Variants in ZNF507 observed in about 807,000 individuals in gnomAD.
The protein encoded by ZNF507 is zinc finger protein 507.
ZNF507 carries 29 observed loss-of-function variants against 80.0 expected under a neutral mutation model. That is an observed-to-expected ratio of 0.36 (90% CI 0.27 to 0.49). The LOEUF is 0.49. Among genes scored for constraint, ZNF507 ranks in the 20% least tolerant of loss-of-function variants. ZNF507 has a pLI of 0.98. For synonymous variants in ZNF507, 462 were observed against 422.5 expected (o/e 1.09, Z -1.15); for missense variants, 1,081 against 1,152.2 (o/e 0.94, Z 0.90).
intron 2 of ZNF507, among the ~76,000 whole-genome samples, chr19:32,348,517 T>C (rs910532208): frequency 2.0e-5 from 3 of 152,184 alleles, no homozygotes; most frequent in African/African-American, 7.2e-5. Context: ...AATAGCAAAT[T>C]ATAAGGAAAT....
intron 5 of ZNF507, among the ~76,000 whole-genome samples, chr19:32,364,229 A>T (rs1405129363): frequency 6.6e-6 from 1 of 152,222 alleles, no homozygotes; most frequent in African/African-American, 2.4e-5. Context: ...AAATGACATC[A>T]TTCTATCCCA....
In ZNF507 at chr19:32,356,727, C is replaced by G. The variant is rs1397604127; in HGVS notation, c.2239C>G (p.Gln747Glu). ...TGATACAGCTGATGGAAAATGTGTC[C>G]AGGAAGGTATCTATGTATTTTGTTA... is the stretch of plus-strand genomic sequence containing the variant. The part of the protein sequence containing the change: ...SSDTADGKCV[Q>E]EGNKSSVQKQ... The change falls in exon 4 of 7, where the codon CAG (glutamine) becomes GAG (glutamate). Residue 747 changes from glutamine (Q) to glutamate (E), a missense_variant. Gln to Glu is a conservative substitution (Grantham distance 29). Around this residue, in one of 6 missense-constraint regions of ZNF507, gnomAD observed 614 missense variants for 583.9 expected, o/e 1.05. Coordinates refer to ENST00000355898, the MANE Select transcript of ZNF507 (RefSeq NM_001136156.2). 6.2e-7 allele frequency: 1 copy of G among 1,612,550 alleles called. No homozygotes were observed. Among genetic ancestry groups the G allele is most frequent in the Admixed American group, 1.7e-5 (1 of 60,018 alleles).
intron 5 of ZNF507, among the ~76,000 whole-genome samples, chr19:32,381,310 G>A (rs1306955161): frequency 2.6e-5 from 4 of 152,022 alleles, no homozygotes; most frequent in Non-Finnish European, 5.9e-5. Flanking sequence ...TTATACCTTT[G>A]TCAAAACAGA....
At chr19:32,352,797 G>A in intron 2 of ZNF507, 32 bp from the exon 3 acceptor site, 2 of 1,515,614 alleles carry the variant, frequency 1.3e-6, no homozygotes, top group Admixed American at 2.2e-5. Context: ...CCTGTAACCT[G>A]GTATTTTTCT....
intron 5 of ZNF507, among the ~76,000 whole-genome samples, chr19:32,374,320 A>C (rs949694250): frequency 3.3e-5 from 5 of 152,066 alleles, no homozygotes; most frequent in Non-Finnish European, 7.4e-5. Context: ...TCCATATAAG[A>C]AAGTTGTTGA....
chr19:32,373,635 C>T (rs554299897), intron 5 of ZNF507, among the ~76,000 whole-genome samples: 1 of 152,278 alleles, frequency 6.6e-6, no homozygotes, highest in African/African-American at 2.4e-5. Context: ...AACTACATAC[C>T]TCGTCATTAA....
chr19:32,371,636 TATTA>T (rs1382406316), intron 5 of ZNF507, among the ~76,000 whole-genome samples: 3 of 94,282 alleles, frequency 3.2e-5, no homozygotes, highest in Non-Finnish European at 6.9e-5. Context: ...TTATTATTAT[TATTA>T]TTATTTTTTT....
Position 32,354,207 on chromosome 19 carries a change from C to T in ZNF507, c.1377C>T (p.Ser459=), listed in dbSNP as rs112907634. The T allele has an allele frequency of 6.2e-7, 1 of 1,613,610 alleles. No individual in the cohort carries two copies. Among genetic ancestry groups the T allele is most frequent in the Non-Finnish European group, 8.5e-7 (1 of 1,180,020 alleles). The change falls in exon 3 of 7, where the codon AGC becomes AGT. Residue 459 remains serine, a synonymous_variant. Coordinates refer to ENST00000355898, the MANE Select transcript of ZNF507 (RefSeq NM_001136156.2). ...VDIGGLIIGW[S]SSEKKDELMN... is the part of the protein sequence containing the mutation. ...TTGGGGGATTGATCATAGGCTGGAGCAGTTCAGAGAAAAAAGACGAGTTAA... is the reference window on the plus strand; with the variant it reads ...TTGGGGGATTGATCATAGGCTGGAGTAGTTCAGAGAAAAAAGACGAGTTAA...
At position 32,374,343 on chromosome 19, in the gene ZNF507, G is replaced by A. The variant is rs576731451; in HGVS notation, c.2361-8124G>A. Among the ~76,000 whole-genome samples, 3 of 152,068 alleles carry A rather than the reference G, an allele frequency of 2.0e-5. No homozygotes were observed. In the East Asian group the frequency reaches 5.8e-4, roughly 29 times the overall value. ...AGAAAGTTGTTGATCTGGACGGAATGTTAGTTTTGTGGCTTTATTGAGTTA... is the reference window on the plus strand; with the variant it reads ...AGAAAGTTGTTGATCTGGACGGAATATTAGTTTTGTGGCTTTATTGAGTTA... On this transcript the variant is annotated intron_variant, in intron 5 of 6. Transcript: ENST00000355898.
At chr19:32,368,327 C>A (rs1027941699) in intron 5 of ZNF507, among the ~76,000 whole-genome samples, 1 of 152,216 alleles carries the variant, frequency 6.6e-6, no homozygotes, top group African/African-American at 2.4e-5. Context: ...GGGTGACAGT[C>A]CTCTGAATGC....
chr19:32,370,288 G>A (rs1967453264), intron 5 of ZNF507, among the ~76,000 whole-genome samples: 1 of 152,184 alleles, frequency 6.6e-6, no homozygotes, highest in Admixed American at 6.5e-5. Context: ...TCGTGTGGTA[G>A]TTCTGTTTTT....
chr19:32,368,293 G>A (rs1967426111), intron 5 of ZNF507, among the ~76,000 whole-genome samples: 1 of 152,202 alleles, frequency 6.6e-6, no homozygotes, highest in Admixed American at 6.5e-5. Flanking sequence ...AAGGCTTGAA[G>A]GCTGGAAGTG....
rs757209880 is a variant in ZNF507 at position 32,353,721 on chromosome 19, T to C, written c.891T>C (p.Ala297=). The change falls in exon 3 of 7, where the codon GCT becomes GCC. Residue 297 remains alanine, a synonymous_variant. Transcript: ENST00000355898. Reference sequence around the variant, plus strand: ...GCCTGCTGGATTCTTCAGCAGCTGCTGCGCCTGGTGGGGTCGATGCAGTCG... The same window carrying C: ...GCCTGCTGGATTCTTCAGCAGCTGCCGCGCCTGGTGGGGTCGATGCAGTCG... ...PLGLLDSSAA[A]APGGVDAVVI... is the part of the protein sequence containing the mutation. 6.8e-6 allele frequency: 11 copies of C among 1,614,212 alleles called. No homozygotes were observed. The South Asian group carries it at 1.1e-4, about 16-fold the overall frequency.
intron 5 of ZNF507, among the ~76,000 whole-genome samples, chr19:32,361,470 C>T (rs1292161134): frequency 2.6e-5 from 4 of 152,044 alleles, no homozygotes; most frequent in Admixed American, 2.6e-4. Context: ...TTGTTTAATC[C>T]CAAAGTGTGG....
chr19:32,355,892 G>C (rs952108366), intron 3 of ZNF507, among the ~76,000 whole-genome samples: 4 of 152,054 alleles, frequency 2.6e-5, no homozygotes, highest in African/African-American at 9.7e-5. Context: ...CCAGCTACTC[G>C]GGAGGCTAAG....
intron 3 of ZNF507, among the ~76,000 whole-genome samples, chr19:32,355,298 TAAAC>T (rs747484531): frequency 9.2e-5 from 14 of 152,228 alleles, no homozygotes; most frequent in Non-Finnish European, 2.1e-4. Context: ...ACGTTTGACT[TAAAC>T]AAATTTAACC....
intron 5 of ZNF507, among the ~76,000 whole-genome samples, chr19:32,376,265 C>CT (rs530015755): frequency 0.019 from 2,936 of 151,928 alleles, 104 homozygotes; most frequent in African/African-American, 0.067. Flanking sequence ...TTTTTATTTT[C>CT]TTTTTTTTCC....
At chr19:32,357,073 T>C (rs1232969583) in intron 4 of ZNF507, 5 of 208,232 alleles carry the variant, frequency 2.4e-5, no homozygotes, top group Non-Finnish European at 3.9e-5. Flanking sequence ...TCGGCACCAG[T>C]TGACCTACTG....
Position 32,353,915 on chromosome 19 carries a change from T to C in ZNF507, c.1085T>C (p.Leu362Pro). The part of the protein sequence containing the change: ...VTLDPNEEEM[L>P]EVISDAEENL... ...CTGGACCCCAATGAGGAAGAAATGC[T>C]AGAAGTGATTTCTGATGCAGAGGAG... is the stretch of plus-strand genomic sequence containing the variant. Residue 362 changes from leucine (L) to proline (P), a missense_variant, in exon 3 of 7, where the codon CTA (leucine) becomes CCA (proline). Around this residue, in one of 6 missense-constraint regions of ZNF507, gnomAD observed 614 missense variants for 583.9 expected, o/e 1.05. Transcript: ENST00000355898. The C allele has an allele frequency of 6.2e-7, 1 of 1,614,130 alleles. No individual in the cohort carries two copies. Among genetic ancestry groups the C allele is most frequent in the Non-Finnish European group, 8.5e-7 (1 of 1,180,034 alleles).
Sources: allele counts gnomAD v4.1 joint callset (sites outside exome capture counted in the v4.1 genomes callset), GRCh38; gene constraint gnomAD v4.1.1; regional missense constraint gnomAD v4.1.1; transcripts MANE v1.5; gene names NCBI Gene and HGNC (gene_info 2026-07-23, HGNC 2026-07-21).